Variants in MED13L observed in about 807,000 individuals in gnomAD.
MED13L encodes the protein mediator complex subunit 13L, also known as mediator of RNA polymerase II transcription subunit 13-like.
A neutral mutation model predicts 220.9 loss-of-function variants in MED13L; 7 were observed. That is an observed-to-expected ratio of 0.03 (90% CI 0.02 to 0.06). The LOEUF (loss-of-function observed/expected upper bound fraction) is 0.06, where lower values mean the gene tolerates loss of function less well. Among genes scored for constraint, MED13L ranks in the 10% least tolerant of loss-of-function variants. The pLI, the probability that MED13L is intolerant of heterozygous loss-of-function variation, is 1.00. For missense variants in MED13L, 1,965 were observed against 2,760.5 expected, an observed-to-expected ratio of 0.71 and a Z score of 6.46; for synonymous variants, 1,011 against 1,015.2, an observed-to-expected ratio of 1.00 and a Z score of 0.08.
intron 1 of MED13L, among the ~76,000 whole-genome samples, chr12:116,254,492 T>C (rs1456508208): frequency 3.9e-5 from 6 of 152,072 alleles, no homozygotes; most frequent in African/African-American, 1.5e-4. Flanking sequence ...CTCACACCTG[T>C]AATCCTAGCA....
chr12:116,248,759 C>T (rs1871274370), intron 1 of MED13L, among the ~76,000 whole-genome samples: 1 of 152,202 alleles, frequency 6.6e-6, no homozygotes, highest in African/African-American at 2.4e-5. Context: ...TACTCTGGTT[C>T]TATAAGAAAA....
rs749456428 is a variant in MED13L at position 115,982,445 on chromosome 12, C to A, written c.5114G>T (p.Arg1705Leu). ...SGNFWLLSLMRCYTEMLDNLP... is the reference protein window; with the variant it reads ...SGNFWLLSLMLCYTEMLDNLP... ...ATTATCCAGCATTTCTGTGTAGCAG[C>A]GCATCAAGCTCAACAGCCAAAAGTT... The change falls in exon 22 of 31, where the codon CGC becomes CTC. Residue 1705 changes from arginine (R) to leucine (L), a missense_variant. Physicochemically the swap from Arg to Leu is moderately radical, Grantham distance 102. Coordinates refer to ENST00000281928, the MANE Select transcript of MED13L (RefSeq NM_015335.5). 3 of 1,614,128 alleles carry A rather than the reference C, an allele frequency of 1.9e-6. No individual in the cohort carries two copies. The highest frequency in any genetic ancestry group is 1.7e-6 in the Non-Finnish European group (2 of 1,180,006).
In MED13L at chr12:116,126,390, C is replaced by G. The variant is rs146844269; in HGVS notation, c.311-14878G>C. 6.6e-5 allele frequency among the ~76,000 whole-genome samples: 10 copies of G among 152,304 alleles called. No homozygotes were observed. In the East Asian group the frequency reaches 9.7e-4, roughly 15 times the overall value. The stretch of plus-strand genomic sequence containing the variant: ...GGGCACAGTCTGGAGTAGGGCAGGC[C>G]TGGGCGGCTCCCATAACACAAGGTG... On this transcript the variant is annotated intron_variant, in intron 2 of 30. Transcript: ENST00000281928.
In MED13L at chr12:116,075,556, C is replaced by G. The variant is rs566274415; in HGVS notation, c.479+21113G>C. The stretch of plus-strand genomic sequence containing the variant: ...AATTTATGTAAAGCATTTATTAGCA[C>G]AGTATCTCAAAAAATGCTAGTCCTG... On this transcript the variant is annotated intron_variant, in intron 4 of 30. Transcript: ENST00000281928. 2.0e-5 allele frequency among the ~76,000 whole-genome samples: 3 copies of G among 152,290 alleles called. No individual in the cohort carries two copies. In the East Asian group the frequency reaches 5.8e-4, roughly 29 times the overall value.
chr12:116,057,244 A>G lies in MED13L; in HGVS notation c.480-34643T>C, dbSNP rs1162253107. Among the ~76,000 whole-genome samples the G allele has an allele frequency of 2.0e-5, 3 of 152,192 alleles. No homozygotes were observed. In the East Asian group the frequency reaches 5.8e-4, roughly 29 times the overall value. On this transcript the variant is annotated intron_variant, in intron 4 of 30. Transcript: ENST00000281928. ...GTCCTGTGAGGCAGACAGGAGTCCCAAAGAAACTGCAATTAATAATCCTCC... is the reference window on the plus strand; with the variant it reads ...GTCCTGTGAGGCAGACAGGAGTCCCGAAGAAACTGCAATTAATAATCCTCC...
At chr12:115,979,570 A>G (rs1877185469) in intron 23 of MED13L, among the ~76,000 whole-genome samples, 1 of 152,250 alleles carries the variant, frequency 6.6e-6, no homozygotes, top group East Asian at 1.9e-4. Flanking sequence ...GACCTGCACC[A>G]AGTTACAACA....
chr12:116,015,021 C>A, intron 8 of MED13L, 88 bp downstream of exon 8: 2 of 1,343,794 alleles, frequency 1.5e-6, no homozygotes, highest in South Asian at 2.4e-5. Context: ...TTTGGTCACA[C>A]AATAGTGCAA....
chr12:116,000,710 CAT>C (rs1566002570), intron 14 of MED13L, among the ~76,000 whole-genome samples: 2 of 152,168 alleles, frequency 1.3e-5, no homozygotes, highest in African/African-American at 2.4e-5. Flanking sequence ...CTAATAAAAA[CAT>C]GTTTTTACTA....
chr12:116,037,152 C>T (rs996579531), intron 4 of MED13L, among the ~76,000 whole-genome samples: 1 of 152,082 alleles, frequency 6.6e-6, no homozygotes, highest in African/African-American at 2.4e-5. Flanking sequence ...ACAAAAGCGC[C>T]TCATGGAACA....
chr12:116,147,817 A>T (rs542868689), intron 2 of MED13L, among the ~76,000 whole-genome samples: 3 of 152,208 alleles, frequency 2.0e-5, no homozygotes, highest in African/African-American at 7.2e-5. Flanking sequence ...AAGCTAATTT[A>T]AAAAACTACC....
intron 3 of MED13L, among the ~76,000 whole-genome samples, chr12:116,100,206 C>T (rs1408214589): frequency 2.0e-5 from 3 of 151,972 alleles, no homozygotes; most frequent in East Asian, 3.9e-4. Flanking sequence ...CTAAGGAAGA[C>T]CTAATTGATA....
intron 9 of MED13L, among the ~76,000 whole-genome samples, chr12:116,011,058 T>C (rs1879367704): frequency 6.6e-6 from 1 of 151,936 alleles, no homozygotes; most frequent in Admixed American, 6.6e-5. Flanking sequence ...TGTTTTTGTT[T>C]TTTTTTTAAG....
chr12:116,030,051 C>A (rs1880639394), intron 4 of MED13L, among the ~76,000 whole-genome samples: 1 of 152,150 alleles, frequency 6.6e-6, no homozygotes, highest in Non-Finnish European at 1.5e-5. Context: ...TCACTGCAAC[C>A]TCCACCTCCC....
intron 1 of MED13L, among the ~76,000 whole-genome samples, chr12:116,268,485 C>T (rs1873001105): frequency 1.3e-5 from 2 of 151,964 alleles, no homozygotes; most frequent in Non-Finnish European, 2.9e-5. Context: ...AATGAGGAAG[C>T]CTCCTGTATT....
rs141072254 is a variant in MED13L at position 116,257,243 on chromosome 12, G to A, written c.73-19538C>T. On this transcript the variant is annotated intron_variant, in intron 1 of 30. Transcript: ENST00000281928. The stretch of plus-strand genomic sequence containing the variant: ...GCAGTAACAGACTATAAACAGAAAC[G>A]TATATTATTTACGAGGCAGGCACTG... 1.4e-3 allele frequency among the ~76,000 whole-genome samples: 206 copies of A among 152,242 alleles called. 1 individual carries two copies. The highest frequency in any genetic ancestry group is 4.7e-3 in the African/African-American group (196 of 41,538).
intron 4 of MED13L, among the ~76,000 whole-genome samples, chr12:116,046,260 T>TA (rs1055677704): frequency 1.3e-5 from 2 of 152,002 alleles, no homozygotes; most frequent in African/African-American, 4.8e-5. Context: ...ATAGTCAGTG[T>TA]AAAAAACAAA....
At chr12:116,127,705 A>G (rs545008245) in intron 2 of MED13L, among the ~76,000 whole-genome samples, 1 of 152,350 alleles carries the variant, frequency 6.6e-6, no homozygotes, top group Non-Finnish European at 1.5e-5. Flanking sequence ...TTCATCAAGA[A>G]GCAAAGCTTT....
At chr12:116,209,367 A>G (rs1290735113) in intron 2 of MED13L, among the ~76,000 whole-genome samples, 3 of 152,216 alleles carry the variant, frequency 2.0e-5, no homozygotes, top group Non-Finnish European at 4.4e-5. Flanking sequence ...GAGACCCCTA[A>G]GGCCATGATG....
At chr12:116,005,342 T>C (rs910165402) in intron 13 of MED13L, among the ~76,000 whole-genome samples, 16 of 152,196 alleles carry the variant, frequency 1.1e-4, no homozygotes, top group Admixed American at 7.2e-4. Flanking sequence ...TATTCTTCTC[T>C]GTCATTTTAA....
Sources: allele counts gnomAD v4.1 joint callset (sites outside exome capture counted in the v4.1 genomes callset), GRCh38; gene constraint gnomAD v4.1.1; transcripts MANE v1.5; gene names NCBI Gene and HGNC (gene_info 2026-07-23, HGNC 2026-07-21).